CFAP299: variants seen among roughly 807,000 people sequenced by gnomAD.
CFAP299 encodes cilia and flagella associated protein 299.
A neutral mutation model predicts 27.0 loss-of-function variants in CFAP299; 21 were observed. That is an observed-to-expected ratio of 0.78 (90% CI 0.55 to 1.12). The LOEUF (loss-of-function observed/expected upper bound fraction) is 1.12, where lower values mean the gene tolerates loss of function less well. Ranked by LOEUF, CFAP299 falls within the 50% of genes most tolerant of loss-of-function variation. CFAP299 has a pLI of 0.00. For synonymous variants in CFAP299, 104 were observed against 98.1 expected (o/e 1.06, Z -0.36); for missense variants, 310 against 276.6 (o/e 1.12, Z -0.86).
At chr4:80,422,769 T>A (rs1663067165) in intron 2 of CFAP299, among the ~76,000 whole-genome samples, 1 of 152,152 alleles carries the variant, frequency 6.6e-6, no homozygotes, top group African/African-American at 2.4e-5. Flanking sequence ...TTCTCAAGGA[T>A]TATTTAGGCA....
At chr4:80,950,446 A>AG (rs1280268540) in intron 5 of CFAP299, among the ~76,000 whole-genome samples, 2 of 152,196 alleles carry the variant, frequency 1.3e-5, no homozygotes, top group Admixed American at 6.5e-5. Flanking sequence ...GTAAGAATTC[A>AG]GGGGAGGCAG....
intron 3 of CFAP299, among the ~76,000 whole-genome samples, chr4:80,867,356 GTTTCATGATATA>G (rs1203471809): frequency 6.6e-6 from 1 of 151,932 alleles, no homozygotes; most frequent in Non-Finnish European, 1.5e-5. Flanking sequence ...GTGTTATTGT[GTTTCATGATATA>G]TGATACATAT....
chr4:80,890,309 T>C (rs957910719), intron 4 of CFAP299, among the ~76,000 whole-genome samples: 1 of 151,870 alleles, frequency 6.6e-6, no homozygotes, highest in Non-Finnish European at 1.5e-5. Context: ...CATATAAAAA[T>C]CAGGAGCATT....
chr4:80,865,109 T>C (rs1313335486), intron 3 of CFAP299, among the ~76,000 whole-genome samples: 1 of 152,144 alleles, frequency 6.6e-6, no homozygotes, highest in Non-Finnish European at 1.5e-5. Flanking sequence ...CTCTCAATGC[T>C]TTCATCTCCC....
intron 3 of CFAP299, among the ~76,000 whole-genome samples, chr4:80,656,370 C>T (rs953719992): frequency 6.6e-6 from 1 of 151,980 alleles, no homozygotes; most frequent in Non-Finnish European, 1.5e-5. Flanking sequence ...TGCTATCCCT[C>T]CCCTAGTGCC....
chr4:80,865,786 G>T (rs1257246699), intron 3 of CFAP299, among the ~76,000 whole-genome samples: 1 of 151,382 alleles, frequency 6.6e-6, no homozygotes, highest in Non-Finnish European at 1.5e-5. Flanking sequence ...GGATGAAGTT[G>T]GAAACCATCA....
chr4:80,414,776 C>T (rs1261420509), intron 2 of CFAP299, among the ~76,000 whole-genome samples: 1 of 152,190 alleles, frequency 6.6e-6, no homozygotes, highest in African/African-American at 2.4e-5. Flanking sequence ...TCTGTACCCA[C>T]AACATCCACA....
At chr4:80,488,390 G>A (rs1241624946) in intron 2 of CFAP299, among the ~76,000 whole-genome samples, 4 of 151,914 alleles carry the variant, frequency 2.6e-5, no homozygotes, top group Admixed American at 1.3e-4. Context: ...TTATTCATTA[G>A]TGATTATTCA....
At chr4:80,546,506 T>C (rs1348801571) in intron 2 of CFAP299, among the ~76,000 whole-genome samples, 1 of 152,166 alleles carries the variant, frequency 6.6e-6, no homozygotes, top group Admixed American at 6.5e-5. Context: ...AAGCATTCCA[T>C]GTCCATGGAT....
intron 3 of CFAP299, among the ~76,000 whole-genome samples, chr4:80,746,713 A>C (rs1382819747): frequency 6.6e-6 from 1 of 152,066 alleles, no homozygotes; most frequent in African/African-American, 2.4e-5. Flanking sequence ...TCTATAGTGA[A>C]AATACTCTCA....
intron 2 of CFAP299, among the ~76,000 whole-genome samples, chr4:80,537,314 A>T (rs937846183): frequency 6.6e-6 from 1 of 152,148 alleles, no homozygotes; most frequent in African/African-American, 2.4e-5. Context: ...GAACTACCAT[A>T]TGTTCCAACA....
intron 3 of CFAP299, among the ~76,000 whole-genome samples, chr4:80,735,823 T>C (rs1723826872): frequency 6.6e-6 from 1 of 152,174 alleles, no homozygotes; most frequent in South Asian, 2.1e-4. Context: ...TAATGTATTA[T>C]TGAATGCAGT....
At chr4:80,616,988 A>C (rs149915809) in intron 3 of CFAP299, among the ~76,000 whole-genome samples, 2 of 152,162 alleles carry the variant, frequency 1.3e-5, no homozygotes, top group Admixed American at 6.6e-5. Flanking sequence ...ATCTATCTCT[A>C]TACAACTAAA....
intron 2 of CFAP299, among the ~76,000 whole-genome samples, chr4:80,476,163 C>T (rs1560584439): frequency 6.6e-6 from 1 of 152,164 alleles, no homozygotes; most frequent in Non-Finnish European, 1.5e-5. Flanking sequence ...TTCTCTTTAC[C>T]CTCCTTAGCA....
rs189646462 is a variant in CFAP299 at position 80,739,379 on chromosome 4, T to C, written c.334-130614T>C. Among the ~76,000 whole-genome samples the C allele has an allele frequency of 5.0e-3, 767 of 152,286 alleles. 3 individuals are homozygous for C. The highest frequency in any genetic ancestry group is 0.02 in the Middle Eastern group (6 of 294). ...TTGATGAAATCCCTCAGCTGTTGTT[T>C]ATCTTGGATTATTTGTTGATGTTTG... On this transcript the variant is annotated intron_variant, in intron 3 of 5. Transcript: ENST00000358105.
In CFAP299 at chr4:80,591,019, A is replaced by G. The variant is rs185132239; in HGVS notation, c.333+7836A>G. ...ATAGTTATGTTAATAAATATTTGTT[A>G]TATTAATCTTTCTTAATTTACTTTA... On this transcript the variant is annotated intron_variant, in intron 3 of 5. Transcript: ENST00000358105. Among the ~76,000 whole-genome samples the G allele has an allele frequency of 4.8e-3, 720 of 149,656 alleles. 12 individuals carry two copies. The highest frequency in any genetic ancestry group is 3.1e-3 in the Non-Finnish European group (211 of 67,500).
chr4:80,345,935 TG>T (rs1310680077), intron 1 of CFAP299, among the ~76,000 whole-genome samples: 36 of 152,210 alleles, frequency 2.4e-4, no homozygotes, highest in African/African-American at 8.4e-4. Flanking sequence ...CTCCAGCATC[TG>T]TTTTTTCCTG....
At chr4:80,594,032 T>C (rs925547953) in intron 3 of CFAP299, among the ~76,000 whole-genome samples, 3 of 152,218 alleles carry the variant, frequency 2.0e-5, no homozygotes, top group African/African-American at 7.2e-5. Flanking sequence ...GATTGTTCAG[T>C]CTATTAACTT....
intron 2 of CFAP299, among the ~76,000 whole-genome samples, chr4:80,371,611 A>G (rs191042338): frequency 1.0e-3 from 155 of 152,292 alleles, no homozygotes; most frequent in African/African-American, 3.6e-3. Flanking sequence ...TCTTCTGCCA[A>G]ATACTCTACA....
Sources: gnomAD v4.1 joint callset for allele counts (sites outside exome capture counted in the v4.1 genomes callset) on GRCh38, gnomAD v4.1.1 for gene constraint, MANE v1.5 for transcripts, NCBI Gene and HGNC (gene_info 2026-07-23, HGNC 2026-07-21) for gene names.